NLRP2: variants seen among roughly 807,000 people sequenced by gnomAD.
NLRP2 encodes the protein NACHT, LRR and PYD domains-containing protein 2.
In NLRP2, 107 loss-of-function variants were observed where a neutral mutation model predicts 97.2. The observed-to-expected ratio is 1.10, with a 90% CI of 0.94 to 1.29. The LOEUF (loss-of-function observed/expected upper bound fraction) is 1.29. NLRP2 is among the 50% of genes most tolerant of loss of function. The pLI is 0.00. For missense variants in NLRP2, 1,495 were observed against 1,330.3 expected (o/e 1.12, Z -1.93); for synonymous variants, 663 against 551.5 (o/e 1.20, Z -2.83).
At position 54,985,081 on chromosome 19, in the gene NLRP2, A is replaced by G. The variant is rs770127991; in HGVS notation, c.2065A>G (p.Thr689Ala). Residue 689 changes from threonine (T) to alanine (A), a missense_variant, in exon 7 of 13, where the codon ACG (threonine) becomes GCG (alanine). Thr to Ala is a moderately conservative substitution (Grantham distance 58, BLOSUM62 0). Transcript: ENST00000448584. ...QDDQHMLPFW[T>A]DLCSIFGSNK... The stretch of plus-strand genomic sequence containing the variant: ...TGATCAGCACATGCTTCCTTTCTGG[A>G]CGGACCTTTGTTCCATATTTGGATC... 2 of 1,614,010 alleles carry G rather than the reference A, an allele frequency of 1.2e-6. No individual in the cohort carries two copies. The highest frequency in any genetic ancestry group is 1.3e-5 in the African/African-American group (1 of 74,914).
At chr19:54,971,473 T>C (rs2070849793) in intron 2 of NLRP2, among the ~76,000 whole-genome samples, 1 of 152,034 alleles carries the variant, frequency 6.6e-6, no homozygotes, top group Non-Finnish European at 1.5e-5. Flanking sequence ...CCACATCCTC[T>C]CCAGCACCTG....
At chr19:54,992,551 G>GGTTT (rs2072550377) in intron 10 of NLRP2, among the ~76,000 whole-genome samples, 1 of 24,006 alleles carries the variant, frequency 4.2e-5, no homozygotes, top group Non-Finnish European at 7.4e-5. Flanking sequence ...GGGGGGGGGG[G>GGTTT]TTTTCTTTTT....
At chr19:55,000,726 C>T in intron 12 of NLRP2, 34 bp from the exon 13 acceptor site, 2 of 1,610,952 alleles carry the variant, frequency 1.2e-6, no homozygotes, top group Non-Finnish European at 1.7e-6. Context: ...CCTTGATGCA[C>T]AAAGTAACCT....
rs1047091147 is a variant in NLRP2, at chr19:54,981,597, C to T, written c.398-20C>T. 41 of 1,310,394 alleles carry T rather than the reference C, an allele frequency of 3.1e-5. No individual in the cohort carries two copies. Among genetic ancestry groups the T allele is most frequent in the African/African-American group, 4.6e-5 (3 of 64,942 alleles). The allele number at this position is 1,310,394 out of a possible 1,614,324, so 81.2% of individuals were successfully genotyped here. A position where few individuals can be genotyped will look rare whatever the true frequency, so the allele number is the denominator to read the frequency against. On this transcript the variant is annotated intron_variant, in intron 4 of 12. Transcript: ENST00000448584. ...TACACCTGATTTTGTGTCAATCTCACATGAGTTTGTATTTTGTAGCGTTTA... is the reference window on the plus strand; with the variant it reads ...TACACCTGATTTTGTGTCAATCTCATATGAGTTTGTATTTTGTAGCGTTTA...
At chr19:54,992,351 C>A (rs73932260) in intron 10 of NLRP2, among the ~76,000 whole-genome samples, 3 of 151,926 alleles carry the variant, frequency 2.0e-5, no homozygotes, top group African/African-American at 7.3e-5. Context: ...ATATTCAGTT[C>A]ATGGCTGGAG....
chr19:54,981,759 A>G (rs1055928239), intron 5 of NLRP2, 77 bp downstream of exon 5: 5 of 866,600 alleles, frequency 5.8e-6, no homozygotes, highest in African/African-American at 1.6e-5. Context: ...TAACTTTCCT[A>G]TGTAACACAA....
At chr19:54,984,329 G>GTGTGTGTTTTTTTT in intron 6 of NLRP2, among the ~76,000 whole-genome samples, 1 of 79,676 alleles carries the variant, frequency 1.3e-5, no homozygotes, top group Non-Finnish European at 2.5e-5. Context: ...TTTTTTTTGT[G>GTGTGTGTTTTTTTT]TTTTTTTTTT....
chr19:54,987,226 C>G (rs181856643), intron 8 of NLRP2, among the ~76,000 whole-genome samples: 234 of 148,528 alleles, frequency 1.6e-3, no homozygotes, highest in African/African-American at 5.5e-3. Flanking sequence ...AGAGATCATT[C>G]ACTCATGGTT....
chr19:54,970,431 ACCTGAGGGTCAGGAGTTTGAGAC>A (rs2070773528), intron 2 of NLRP2, 136 bp downstream of exon 2: 2 of 944,662 alleles, frequency 2.1e-6, no homozygotes, highest in East Asian at 5.0e-5. Context: ...CGGTTGGACC[ACCTGAGGGTCAGGAGTTTGAGAC>A]CAGCCTGACC....
At chr19:55,000,405 T>A (rs984538652) in intron 12 of NLRP2, among the ~76,000 whole-genome samples, 9 of 143,686 alleles carry the variant, frequency 6.3e-5, no homozygotes, top group African/African-American at 2.0e-4. Context: ...GCCTCCTGAG[T>A]AGCTGGGACT....
intron 7 of NLRP2, 110 bp downstream of exon 7, chr19:54,985,327 C>T (rs554040268): frequency 5.8e-6 from 6 of 1,031,636 alleles, no homozygotes; most frequent in Middle Eastern, 2.2e-4. Flanking sequence ...GTGCTCGAGA[C>T]ACAGGGAATT....
chr19:54,968,461 A>C (rs1183182048), intron 1 of NLRP2, among the ~76,000 whole-genome samples: 1 of 150,178 alleles, frequency 6.7e-6, no homozygotes, highest in Admixed American at 6.7e-5. Context: ...AGTAGCTGGG[A>C]CTACAGGTGC....
chr19:54,991,552 A>C (rs1041422592), intron 10 of NLRP2: 3 of 141,212 alleles, frequency 2.1e-5, no homozygotes, highest in Non-Finnish European at 4.7e-5. Flanking sequence ...GACTCTCTCA[A>C]AAAAAAAAAA....
Position 54,985,060 on chromosome 19 carries a change from C to A in NLRP2, c.2044C>A (p.Gln682Lys), listed in dbSNP as rs542090265. 2 of 1,614,094 alleles carry A rather than the reference C, an allele frequency of 1.2e-6. No individual in the cohort carries two copies. The highest frequency in any genetic ancestry group is 2.2e-5 in the East Asian group (1 of 44,882). ...DAEVERSQDD[Q>K]HMLPFWTDLC... ...TCTTCCCTATAGATCCCAGGATGAT[C>A]AGCACATGCTTCCTTTCTGGACGGA... is the stretch of plus-strand genomic sequence containing the variant. The change falls in exon 7 of 13, where the codon CAG becomes AAG. Residue 682 changes from glutamine to lysine, a missense_variant. Gln to Lys is a moderately conservative substitution (Grantham distance 53, BLOSUM62 1). Transcript: ENST00000448584.
In NLRP2 at chr19:54,982,649, C is replaced by T. The variant is rs781762168; in HGVS notation, c.951C>T (p.Leu317=). 6.2e-7 allele frequency: 1 copy of T among 1,614,164 alleles called. No homozygotes were observed. The highest frequency in any genetic ancestry group is 1.3e-5 in the African/African-American group (1 of 75,048). ...AGAAGAAGAAGCCGGTGCCCGTCCTCCTGGGGAGTTTGCTGAACAGGGTGA... is the reference window on the plus strand; with the variant it reads ...AGAAGAAGAAGCCGGTGCCCGTCCTTCTGGGGAGTTTGCTGAACAGGGTGA... The part of the protein sequence containing the change: ...DWEKKKPVPV[L]LGSLLNRVML... Residue 317 remains leucine, a synonymous_variant, in exon 6 of 13, where the codon CTC becomes CTT. Coordinates refer to ENST00000448584, the MANE Select transcript of NLRP2 (RefSeq NM_017852.5).
rs374020777 is a variant in NLRP2, at chr19:54,994,306, G to T, written c.2746G>T (p.Asp916Tyr). The T allele has an allele frequency of 3.1e-6, 5 of 1,614,088 alleles. No homozygotes were observed. The Admixed American group carries it at 5.0e-5, about 16-fold the overall frequency. ...NCDITSDGCC[D>Y]LTKLLQEKSS... is the part of the protein sequence containing the mutation. Reference sequence around the variant, plus strand: ...CGACATAACTAGCGATGGCTGCTGCGATCTCACAAAGCTTCTCCAAGAAAA... The same window carrying T: ...CGACATAACTAGCGATGGCTGCTGCTATCTCACAAAGCTTCTCCAAGAAAA... The change falls in exon 11 of 13, where the codon GAT becomes TAT. Residue 916 changes from aspartate (D) to tyrosine (Y), a missense_variant. By Grantham distance (160) the Asp-to-Tyr change is radical. Coordinates refer to ENST00000448584, the MANE Select transcript of NLRP2 (RefSeq NM_017852.5).
In NLRP2 at chr19:54,982,982, G is replaced by T. The variant is rs1319245099; in HGVS notation, c.1284G>T (p.Leu428=). The part of the protein sequence containing the change: ...PVPTCLTRTG[L]FLRFLCSRFP... ...CCACCTGCCTCACCCGCACGGGGCT[G>T]TTCCTGCGTTTCCTCTGCAGCCGGT... The change falls in exon 6 of 13, where the codon CTG becomes CTT. Residue 428 remains leucine, a synonymous_variant. Coordinates refer to ENST00000448584, the MANE Select transcript of NLRP2 (RefSeq NM_017852.5). The T allele has an allele frequency of 1.2e-6, 2 of 1,611,100 alleles. No individual in the cohort carries two copies.
chr19:54,988,832 A>G (rs917898117), intron 8 of NLRP2, among the ~76,000 whole-genome samples: 1 of 151,764 alleles, frequency 6.6e-6, no homozygotes, highest in Non-Finnish European at 1.5e-5. Context: ...ATTTCTTATG[A>G]ATTTATTCTA....
At chr19:54,999,228 A>ACCT (rs1158103626) in intron 12 of NLRP2, among the ~76,000 whole-genome samples, 4 of 151,938 alleles carry the variant, frequency 2.6e-5, no homozygotes, top group Non-Finnish European at 5.9e-5. Flanking sequence ...GCTTACTGCA[A>ACCT]CCTCCGCCTC....
Sources: gnomAD v4.1 joint callset for allele counts (sites outside exome capture counted in the v4.1 genomes callset) on GRCh38, gnomAD v4.1.1 for gene constraint, MANE v1.5 for transcripts, NCBI Gene and HGNC (gene_info 2026-07-23, HGNC 2026-07-21) for gene names.